Variants in DOCK1 observed in about 807,000 individuals in gnomAD.
DOCK1 encodes dedicator of cytokinesis protein 1.
Under a neutral mutation model 262.7 loss-of-function variants are expected in DOCK1, and 138 were observed. That is an observed-to-expected ratio of 0.53 (90% CI 0.46 to 0.61). The LOEUF (loss-of-function observed/expected upper bound fraction) is 0.61. Among genes scored for constraint, DOCK1 ranks in the 20% least tolerant of loss-of-function variants. DOCK1 has a pLI of 0.00. For synonymous variants in DOCK1, 866 were observed against 867.4 expected, an observed-to-expected ratio of 1.00 and a Z score of 0.03; for missense variants, 1,908 against 2,370.7, an observed-to-expected ratio of 0.80 and a Z score of 4.05.
intron 27 of DOCK1, among the ~76,000 whole-genome samples, chr10:127,133,920 T>C (rs1223319330): frequency 6.6e-6 from 1 of 152,240 alleles, no homozygotes; most frequent in Non-Finnish European, 1.5e-5. Flanking sequence ...ATAGAGTTTC[T>C]GTAGGTCAAA....
Position 127,140,170 on chromosome 10 carries a change from C to T in DOCK1, c.2847+12406C>T, listed in dbSNP as rs11016430. ...TAGGCTAACAGTACAATTTCGGCTACCTGTAATTATTGAATTCCCATTAAG... is the reference window on the plus strand; with the variant it reads ...TAGGCTAACAGTACAATTTCGGCTATCTGTAATTATTGAATTCCCATTAAG... On this transcript the variant is annotated intron_variant, in intron 27 of 51. Coordinates refer to ENST00000623213, the MANE Select transcript of DOCK1 (RefSeq NM_001290223.2). Among the ~76,000 whole-genome samples, 1,001 of 152,274 alleles carry T rather than the reference C, an allele frequency of 6.6e-3. 4 individuals carry two copies. Among genetic ancestry groups the T allele is most frequent in the Admixed American group, 0.012 (177 of 15,296 alleles).
chr10:127,232,301 G>A (rs149695572), intron 27 of DOCK1, among the ~76,000 whole-genome samples: 1 of 152,270 alleles, frequency 6.6e-6, no homozygotes, highest in African/African-American at 2.4e-5. Flanking sequence ...AATGTATGCA[G>A]GTTTCTCTTT....
intron 1 of DOCK1, among the ~76,000 whole-genome samples, chr10:126,923,023 T>A (rs1185158138): frequency 6.6e-6 from 1 of 151,576 alleles, no homozygotes; most frequent in Non-Finnish European, 1.5e-5. Context: ...GCAGGAGAAT[T>A]GCTTCAGCCC....
intron 28 of DOCK1, among the ~76,000 whole-genome samples, chr10:127,255,353 T>C (rs2059795298): frequency 6.6e-6 from 1 of 152,126 alleles, no homozygotes; most frequent in Non-Finnish European, 1.5e-5. Context: ...TGAACTAAGA[T>C]CGTGCCACTG....
intron 46 of DOCK1, among the ~76,000 whole-genome samples, chr10:127,422,165 T>TTC (rs2068554475): frequency 7.9e-6 from 1 of 125,934 alleles, no homozygotes; most frequent in Non-Finnish European, 1.7e-5. Context: ...TGTCTTTTTT[T>TTC]TTTTTTTTTT....
intron 6 of DOCK1, among the ~76,000 whole-genome samples, chr10:126,991,025 C>T (rs2039747845): frequency 6.6e-6 from 1 of 152,240 alleles, no homozygotes; most frequent in Admixed American, 6.5e-5. Flanking sequence ...CATTAGATCA[C>T]TGGAAAGTTT....
intron 28 of DOCK1, among the ~76,000 whole-genome samples, chr10:127,249,430 T>TAC (rs2059547280): frequency 2.3e-5 from 3 of 132,096 alleles, no homozygotes; most frequent in East Asian, 2.3e-4. Flanking sequence ...TACATATATA[T>TAC]ATACACACAC....
Position 127,206,433 on chromosome 10 carries a change from C to T in DOCK1, c.2848-41575C>T, listed in dbSNP as rs192031148. On this transcript the variant is annotated intron_variant, in intron 27 of 51. Coordinates refer to ENST00000623213, the MANE Select transcript of DOCK1 (RefSeq NM_001290223.2). Reference sequence around the variant, plus strand: ...TGCTGGGATTAAAGGCGTGAGCCACCGCGCCCGGCCTACTGTATATTCTTA... The same window carrying T: ...TGCTGGGATTAAAGGCGTGAGCCACTGCGCCCGGCCTACTGTATATTCTTA... Among the ~76,000 whole-genome samples, 775 of 152,234 alleles carry T rather than the reference C, an allele frequency of 5.1e-3. 9 individuals are homozygous for T. Among genetic ancestry groups the T allele is most frequent in the African/African-American group, 0.018 (735 of 41,540 alleles).
chr10:127,089,160 C>T (rs991016615), intron 23 of DOCK1, among the ~76,000 whole-genome samples: 6 of 152,196 alleles, frequency 3.9e-5, no homozygotes, highest in African/African-American at 7.2e-5. Flanking sequence ...CACGGTGGCC[C>T]GCACTGCCCT....
At chr10:127,086,573 G>A (rs1171865292) in intron 23 of DOCK1, among the ~76,000 whole-genome samples, 1 of 152,076 alleles carries the variant, frequency 6.6e-6, no homozygotes, top group East Asian at 1.9e-4. Context: ...TGGCTACATT[G>A]CAGAGATCAT....
At chr10:127,064,312 T>A (rs2045722066) in intron 23 of DOCK1, among the ~76,000 whole-genome samples, 1 of 152,160 alleles carries the variant, frequency 6.6e-6, no homozygotes, top group African/African-American at 2.4e-5. Context: ...CTCCATCCCC[T>A]TCTTGGTACC....
At chr10:126,932,230 A>T (rs966382220) in intron 1 of DOCK1, among the ~76,000 whole-genome samples, 3 of 152,226 alleles carry the variant, frequency 2.0e-5, no homozygotes, top group African/African-American at 7.2e-5. Context: ...TGACTGCAAA[A>T]TAGCAGAGAA....
chr10:127,451,520 G>C lies in DOCK1; in HGVS notation c.*93G>C. ...CCTGAGTCTGCTGTTTACCTCATTG[G>C]GCCTGTGATGTTAACATTTCGTGCG... On this transcript the variant is annotated 3_prime_UTR_variant, in exon 52 of 52. Transcript: ENST00000623213. 2 of 1,535,724 alleles carry C rather than the reference G, an allele frequency of 1.3e-6. No homozygotes were observed. Among genetic ancestry groups the C allele is most frequent in the Non-Finnish European group, 1.8e-6 (2 of 1,142,198 alleles).
intron 29 of DOCK1, among the ~76,000 whole-genome samples, chr10:127,294,861 C>T (rs1334852079): frequency 4.6e-5 from 7 of 150,798 alleles, no homozygotes; most frequent in Admixed American, 2.6e-4. Flanking sequence ...AGGCTGGTTT[C>T]GAACTCCTGA....
intron 21 of DOCK1, among the ~76,000 whole-genome samples, chr10:127,046,869 T>C (rs1438525481): frequency 6.6e-6 from 1 of 150,952 alleles, no homozygotes; most frequent in Non-Finnish European, 1.5e-5. Flanking sequence ...TCTTATTCCA[T>C]AACCTGAGTG....
chr10:126,988,012 T>C (rs1163704172), intron 5 of DOCK1: 1 of 154,518 alleles, frequency 6.5e-6, no homozygotes, highest in Non-Finnish European at 1.4e-5. Context: ...TATTTTTTTT[T>C]TTTTTTTTGC....
intron 1 of DOCK1, among the ~76,000 whole-genome samples, chr10:126,953,586 G>C (rs2036506556): frequency 2.0e-5 from 3 of 152,114 alleles, no homozygotes; most frequent in African/African-American, 7.2e-5. Flanking sequence ...GGGAGGTGCT[G>C]GTGTTAGTAC....
intron 21 of DOCK1, among the ~76,000 whole-genome samples, chr10:127,049,722 G>T (rs969348492): frequency 4.7e-5 from 7 of 148,548 alleles, no homozygotes; most frequent in Non-Finnish European, 1.0e-4. Context: ...ATGCTTTTGT[G>T]AAAAAAAAAT....
At chr10:127,196,721 G>A (rs2057191610) in intron 27 of DOCK1, among the ~76,000 whole-genome samples, 1 of 93,360 alleles carries the variant, frequency 1.1e-5, no homozygotes, top group African/African-American at 3.5e-5. Context: ...GGAGGAGGAG[G>A]AGGAAGAGGA....
Sources: allele counts gnomAD v4.1 joint callset (sites outside exome capture counted in the v4.1 genomes callset), GRCh38; gene constraint gnomAD v4.1.1; transcripts MANE v1.5; gene names NCBI Gene and HGNC (gene_info 2026-07-23, HGNC 2026-07-21).